Variants in SYN3 observed in about 807,000 individuals in gnomAD.
SYN3 encodes the protein synapsin III, also known as synapsin-3.
A neutral mutation model predicts 65.8 loss-of-function variants in SYN3; 35 were observed. The ratio of observed to expected loss-of-function variants is 0.53; its 90% confidence interval spans 0.41 to 0.70. SYN3 has a LOEUF of 0.70. Among genes scored for constraint, SYN3 ranks in the 30% least tolerant of loss-of-function variants. The probability of loss-of-function intolerance (pLI) is 0.00; values close to 1 mark genes in which losing one functional copy is unlikely to be tolerated. For missense variants in SYN3, 680 were observed against 749.0 expected, an observed-to-expected ratio of 0.91 and a Z score of 1.08; for synonymous variants, 270 against 292.9, an observed-to-expected ratio of 0.92 and a Z score of 0.80.
chr22:32,689,073 T>C (rs1340242674), intron 6 of SYN3, among the ~76,000 whole-genome samples: 3 of 152,206 alleles, frequency 2.0e-5, no homozygotes, highest in African/African-American at 7.2e-5. Flanking sequence ...TAAAAAATCA[T>C]TTCTTTTCTC....
chr22:33,027,635 GAC>G (rs2145882069), intron 1 of SYN3, among the ~76,000 whole-genome samples: 1 of 60,456 alleles, frequency 1.7e-5, no homozygotes, highest in African/African-American at 7.2e-5. Context: ...CAGACAGACA[GAC>G]AGAGAGAGAG....
intron 6 of SYN3, among the ~76,000 whole-genome samples, chr22:32,765,113 T>G (rs1308321642): frequency 1.3e-5 from 2 of 151,990 alleles, no homozygotes; most frequent in Non-Finnish European, 2.9e-5. Flanking sequence ...TTCCCTGGTT[T>G]GAGAGCGAGA....
chr22:32,752,240 G>A (rs2045151103), intron 6 of SYN3, among the ~76,000 whole-genome samples: 1 of 152,184 alleles, frequency 6.6e-6, no homozygotes, highest in Non-Finnish European at 1.5e-5. Flanking sequence ...TGTGTGCAAA[G>A]TGCTAAGCCT....
intron 3 of SYN3, among the ~76,000 whole-genome samples, chr22:32,936,271 T>A (rs1231598185): frequency 1.3e-5 from 2 of 152,198 alleles, no homozygotes. Context: ...CAACAGGCAT[T>A]TCAGGACTAT....
intron 3 of SYN3, among the ~76,000 whole-genome samples, chr22:32,947,121 A>G (rs932558660): frequency 6.6e-6 from 1 of 152,218 alleles, no homozygotes; most frequent in Non-Finnish European, 1.5e-5. Context: ...ACACTGACCC[A>G]GTGTATGGCC....
At chr22:32,903,676 G>T (rs1175851097) in intron 4 of SYN3, among the ~76,000 whole-genome samples, 1 of 152,248 alleles carries the variant, frequency 6.6e-6, no homozygotes, top group Non-Finnish European at 1.5e-5. Context: ...GCAATGGGCA[G>T]CCTTCCAGGT....
intron 6 of SYN3, among the ~76,000 whole-genome samples, chr22:32,601,238 T>C (rs1336915389): frequency 1.3e-5 from 2 of 152,052 alleles, no homozygotes; most frequent in Non-Finnish European, 2.9e-5. Flanking sequence ...GCAATGGATT[T>C]TCCTGATACT....
At chr22:32,838,180 T>C (rs988439946) in intron 6 of SYN3, among the ~76,000 whole-genome samples, 1 of 152,192 alleles carries the variant, frequency 6.6e-6, no homozygotes, top group Non-Finnish European at 1.5e-5. Flanking sequence ...GGATCTGAGA[T>C]GCATAGTTCC....
intron 3 of SYN3, among the ~76,000 whole-genome samples, chr22:32,974,228 C>A (rs1388113602): frequency 6.6e-6 from 1 of 152,090 alleles, no homozygotes; most frequent in Non-Finnish European, 1.5e-5. Flanking sequence ...AGAAGAGGAC[C>A]CTGAAGTCAG....
intron 13 of SYN3, 89 bp from the exon 14 acceptor site, chr22:32,513,913 G>A: frequency 1.3e-6 from 2 of 1,533,080 alleles, no homozygotes; most frequent in Non-Finnish European, 8.9e-7. Flanking sequence ...AGCCAGATGG[G>A]CTACCCCAAT....
At chr22:32,818,439 C>T (rs1446929617) in intron 6 of SYN3, among the ~76,000 whole-genome samples, 1 of 152,184 alleles carries the variant, frequency 6.6e-6, no homozygotes, top group African/African-American at 2.4e-5. Flanking sequence ...TGGCTCTGCT[C>T]CTTCTGCTGT....
chr22:32,777,583 T>C (rs5754274), intron 6 of SYN3, among the ~76,000 whole-genome samples: 21,699 of 152,060 alleles, frequency 0.14, 1,611 homozygotes, highest in Non-Finnish European at 0.16. Context: ...TTCACTGAGC[T>C]TCCTGAGCTC....
At chr22:32,723,833 C>T (rs945559667) in intron 6 of SYN3, among the ~76,000 whole-genome samples, 1 of 152,234 alleles carries the variant, frequency 6.6e-6, no homozygotes, top group African/African-American at 2.4e-5. Flanking sequence ...GGATCCTTGC[C>T]GGAGGCCCCA....
intron 7 of SYN3, among the ~76,000 whole-genome samples, chr22:32,583,060 A>T (rs2058972790): frequency 6.6e-6 from 1 of 152,146 alleles, no homozygotes; most frequent in African/African-American, 2.4e-5. Context: ...CTGGGGGTGA[A>T]GACCAAGAGT....
At chr22:32,771,078 G>C (rs1340649657) in intron 6 of SYN3, among the ~76,000 whole-genome samples, 2 of 151,786 alleles carry the variant, frequency 1.3e-5, no homozygotes, top group African/African-American at 4.8e-5. Flanking sequence ...CCCCCAACAG[G>C]CCCTGGTGTG....
At chr22:32,644,634 G>T (rs567669202) in intron 6 of SYN3, among the ~76,000 whole-genome samples, 1 of 152,276 alleles carries the variant, frequency 6.6e-6, no homozygotes, top group Admixed American at 6.5e-5. Flanking sequence ...GGTTATTTTC[G>T]TTTTTCCCTT....
In SYN3 at chr22:32,813,504, C is replaced by A. The variant is rs1005591811; in HGVS notation, c.711+51411G>T. 4.7e-5 allele frequency among the ~76,000 whole-genome samples: 7 copies of A among 149,340 alleles called. No homozygotes were observed. In the East Asian group the frequency reaches 1.4e-3, roughly 29 times the overall value. Reference sequence around the variant, plus strand: ...GAAAAGATACACACACACACACACACACACACACACACACACACACACACA... The same window carrying A: ...GAAAAGATACACACACACACACACAAACACACACACACACACACACACACA... On this transcript the variant is annotated intron_variant, in intron 6 of 13. Coordinates refer to ENST00000358763, the MANE Select transcript of SYN3 (RefSeq NM_003490.4).
chr22:32,601,716 A>G (rs1441714067), intron 6 of SYN3, among the ~76,000 whole-genome samples: 1 of 152,206 alleles, frequency 6.6e-6, no homozygotes, highest in Non-Finnish European at 1.5e-5. Context: ...TTTGAAACCA[A>G]AGAGGGGAGT....
chr22:32,806,580 G>A (rs1338848825), intron 6 of SYN3, among the ~76,000 whole-genome samples: 1 of 152,174 alleles, frequency 6.6e-6, no homozygotes, highest in Non-Finnish European at 1.5e-5. Context: ...TCCTTCCTCT[G>A]GGGCTTGTTG....
Sources: allele counts gnomAD v4.1 joint callset (sites outside exome capture counted in the v4.1 genomes callset), GRCh38; gene constraint gnomAD v4.1.1; transcripts MANE v1.5; gene names NCBI Gene and HGNC (gene_info 2026-07-23, HGNC 2026-07-21).